SMAD3: variants seen among roughly 807,000 people sequenced by gnomAD.
SMAD3 encodes SMAD family member 3.
Under a neutral mutation model 51.8 loss-of-function variants are expected in SMAD3, and 12 were observed. That is an observed-to-expected ratio of 0.23 (90% CI 0.15 to 0.38). The LOEUF is 0.38. Ranked by LOEUF, SMAD3 falls within the 10% of genes least tolerant of loss-of-function variation. The pLI, the probability that SMAD3 is intolerant of heterozygous loss-of-function variation, is 1.00. For missense variants in SMAD3, 294 were observed against 565.6 expected (o/e 0.52, Z 4.87); for synonymous variants, 238 against 227.7 (o/e 1.05, Z -0.41).
chr15:67,101,301 T>A (rs536784997), intron 1 of SMAD3, among the ~76,000 whole-genome samples: 1 of 152,202 alleles, frequency 6.6e-6, no homozygotes, highest in Non-Finnish European at 1.5e-5. Context: ...AGTACCTAAT[T>A]TATGCTTACT....
chr15:67,180,222 T>G (rs1438505605), intron 5 of SMAD3, among the ~76,000 whole-genome samples: 1 of 151,436 alleles, frequency 6.6e-6, no homozygotes, highest in Non-Finnish European at 1.5e-5. Context: ...GGCATCGGTG[T>G]GAGTGGGAAT....
intron 1 of SMAD3, among the ~76,000 whole-genome samples, chr15:67,142,068 T>C: frequency 6.6e-6 from 1 of 152,192 alleles, no homozygotes; most frequent in Non-Finnish European, 1.5e-5. Flanking sequence ...CAAGGCCACG[T>C]AGCGAGGCAG....
chr15:67,150,847 CT>C (rs58914503), intron 1 of SMAD3, among the ~76,000 whole-genome samples: 9 of 14,672 alleles, frequency 6.1e-4, no homozygotes, highest in Admixed American at 1.7e-3. Context: ...ATTTCTCAGT[CT>C]TTTTTTTTTT....
intron 1 of SMAD3, among the ~76,000 whole-genome samples, chr15:67,085,868 GCA>G (rs78357581): frequency 0.016 from 1,641 of 100,080 alleles, 21 homozygotes; most frequent in African/African-American, 0.035. Context: ...AAAAAAGCGT[GCA>G]CACACACACA....
chr15:67,166,405 T>C, intron 3 of SMAD3: 1 of 406,156 alleles, frequency 2.5e-6, no homozygotes. Context: ...GGTCTGAGCC[T>C]GCAGATCTTC....
At chr15:67,142,706 A>C in intron 1 of SMAD3, 1 of 317,680 alleles carries the variant, frequency 3.1e-6, no homozygotes, top group Non-Finnish European at 6.4e-6. Flanking sequence ...GGCTGCTGGC[A>C]TCTTAAGACA....
At chr15:67,117,854 G>A (rs1961170587) in intron 1 of SMAD3, among the ~76,000 whole-genome samples, 1 of 152,210 alleles carries the variant, frequency 6.6e-6, no homozygotes, top group Admixed American at 6.5e-5. Flanking sequence ...CACTTTGGGA[G>A]GCCGAGGCGG....
chr15:67,074,167 C>T (rs949055065), intron 1 of SMAD3, among the ~76,000 whole-genome samples: 34 of 152,332 alleles, frequency 2.2e-4, no homozygotes, highest in Non-Finnish European at 4.6e-4. Context: ...CTTCCTTACT[C>T]TGTGAGTCTA....
At chr15:67,073,936 G>A (rs1951874766) in intron 1 of SMAD3, among the ~76,000 whole-genome samples, 1 of 152,196 alleles carries the variant, frequency 6.6e-6, no homozygotes, top group African/African-American at 2.4e-5. Flanking sequence ...GCCTCCCAAA[G>A]TGCTGGGATT....
rs150602990 is a variant in SMAD3, at chr15:67,184,364, C to G, written c.872-363C>G. Among the ~76,000 whole-genome samples, 1,180 of 152,350 alleles carry G rather than the reference C, an allele frequency of 7.7e-3. 15 individuals carry two copies. The highest frequency in any genetic ancestry group is 0.026 in the African/African-American group (1,064 of 41,576). ...TCAAGTGATCCTCCCACCTTGCCCTCCTAAAGCTCTGGGATTATTGGTGTG... is the reference window on the plus strand; with the variant it reads ...TCAAGTGATCCTCCCACCTTGCCCTGCTAAAGCTCTGGGATTATTGGTGTG... On this transcript the variant is annotated intron_variant, in intron 6 of 8. Transcript: ENST00000327367.
intron 1 of SMAD3, among the ~76,000 whole-genome samples, chr15:67,117,152 G>A (rs759625671): frequency 3.9e-5 from 6 of 152,104 alleles, no homozygotes; most frequent in Non-Finnish European, 5.9e-5. Flanking sequence ...GGCGTGTTTC[G>A]TGGAGTAGCT....
At chr15:67,075,103 T>C (rs901983558) in intron 1 of SMAD3, among the ~76,000 whole-genome samples, 2 of 152,160 alleles carry the variant, frequency 1.3e-5, no homozygotes, top group Non-Finnish European at 2.9e-5. Flanking sequence ...ACGCTGTCAC[T>C]GCTCAAAAAT....
intron 1 of SMAD3, among the ~76,000 whole-genome samples, chr15:67,094,975 C>T (rs7169630): frequency 0.63 from 95,188 of 152,024 alleles, 30,227 homozygotes; most frequent in East Asian, 0.8. Context: ...ACGCCACTTC[C>T]CTGAGCCTCA....
In SMAD3 at chr15:67,158,072, C is replaced by CT. The variant is rs992927944; in HGVS notation, c.207-6822dup. 1.0e-3 allele frequency among the ~76,000 whole-genome samples: 154 copies of CT among 152,130 alleles called. 1 individual carries two copies. Among genetic ancestry groups the CT allele is most frequent in the African/African-American group, 3.6e-3 (150 of 41,510 alleles). On this transcript the variant is annotated intron_variant, in intron 1 of 8. Transcript: ENST00000327367. ...CCTAATGCTAGCAGCTGGTCTTGGG[C>CT]TGGGAGGAAGGGCTGGGCCAGGGAG...
chr15:67,138,416 T>C lies in SMAD3; in HGVS notation c.207-26479T>C, dbSNP rs1251141271. 2.3e-5 allele frequency: 8 copies of C among 351,974 alleles called. No individual in the cohort carries two copies. The Admixed American group carries it at 2.8e-4, about 12-fold the overall frequency. The allele number at this position is 351,974 out of a possible 1,614,324, so 21.8% of individuals were successfully genotyped here. On this transcript the variant is annotated intron_variant, in intron 1 of 8. Coordinates refer to ENST00000327367, the MANE Select transcript of SMAD3 (RefSeq NM_005902.4). ...GGATTTGCGGAAGAGGGTTCCAGAG[T>C]GTGGGGAGAGCGTGCTGGGGAGGGG...
intron 6 of SMAD3, among the ~76,000 whole-genome samples, chr15:67,182,986 T>TAAAAAA (rs35277759): frequency 2.1e-5 from 1 of 48,038 alleles, no homozygotes; most frequent in Non-Finnish European, 3.3e-5. Flanking sequence ...TATATTTTAT[T>TAAAAAA]AAAAAAAAAA....
At chr15:67,067,522 C>T (rs535723189) in intron 1 of SMAD3, among the ~76,000 whole-genome samples, 1 of 152,288 alleles carries the variant, frequency 6.6e-6, no homozygotes, top group East Asian at 1.9e-4. Context: ...GACTGTCAGC[C>T]GCAAAGGGAT....
intron 1 of SMAD3, among the ~76,000 whole-genome samples, chr15:67,113,090 ATATATT>A (rs1159145319): frequency 5.9e-5 from 6 of 101,756 alleles, no homozygotes; most frequent in Non-Finnish European, 1.1e-4. Flanking sequence ...ATATATATAT[ATATATT>A]TTTTTGAGAC....
intron 1 of SMAD3, among the ~76,000 whole-genome samples, chr15:67,118,813 T>C (rs1961193542): frequency 6.6e-6 from 1 of 152,174 alleles, no homozygotes; most frequent in African/African-American, 2.4e-5. Flanking sequence ...CCAAGCCAGG[T>C]GAGGTCTGCC....
Sources: gnomAD v4.1 joint callset for allele counts (sites outside exome capture counted in the v4.1 genomes callset) on GRCh38, gnomAD v4.1.1 for gene constraint, MANE v1.5 for transcripts, NCBI Gene and HGNC (gene_info 2026-07-23, HGNC 2026-07-21) for gene names.